Variants in CMYA5 observed in about 807,000 individuals in gnomAD.
The protein encoded by CMYA5 is cardiomyopathy associated 5.
Under a neutral mutation model 318.9 loss-of-function variants are expected in CMYA5, and 246 were observed. The ratio of observed to expected loss-of-function variants is 0.77; its 90% CI spans 0.70 to 0.86. The LOEUF (loss-of-function observed/expected upper bound fraction) is 0.86, where lower values mean the gene tolerates loss of function less well. Among genes scored for constraint, CMYA5 ranks in the 40% least tolerant of loss-of-function variants. The pLI, the probability that CMYA5 is intolerant of heterozygous loss-of-function variation, is 0.00. For synonymous variants in CMYA5, 1,641 were observed against 1,729.5 expected, an observed-to-expected ratio of 0.95 and a Z score of 1.27; for missense variants, 4,589 against 4,678.2, an observed-to-expected ratio of 0.98 and a Z score of 0.56.
rs1311397127 is a variant in CMYA5, at chr5:79,736,566, A to G, written c.7801A>G (p.Met2601Val). ...ATCAGTTACTGAAAAATCAGAAGCC[A>G]TGCTCGCAGAGGCTCACCCAGAAAT... Reference protein sequence around the residue: ...ATSVTEKSEAMLAEAHPEIRE... With the variant: ...ATSVTEKSEAVLAEAHPEIRE... The change falls in exon 2 of 13, where the codon ATG becomes GTG. Residue 2601 changes from methionine to valine, a missense_variant. Met to Val is a conservative substitution (Grantham distance 21). Around this residue, in one of 3 missense-constraint regions of CMYA5, gnomAD observed 2,431 missense variants for 2,495.1 expected, o/e 0.97. Transcript: ENST00000446378. 44 of 1,613,636 alleles carry G rather than the reference A, an allele frequency of 2.7e-5. No individual in the cohort carries two copies. Among genetic ancestry groups the G allele is most frequent in the African/African-American group, 4.0e-5 (3 of 74,918 alleles).
At chr5:79,704,345 A>C (rs1255790031) in intron 1 of CMYA5, among the ~76,000 whole-genome samples, 2 of 152,052 alleles carry the variant, frequency 1.3e-5, no homozygotes, top group Admixed American at 6.6e-5. Context: ...TATCACACTC[A>C]AGTGTGTTTC....
At chr5:79,765,810 G>A (rs1196884967) in intron 9 of CMYA5, among the ~76,000 whole-genome samples, 1 of 152,164 alleles carries the variant, frequency 6.6e-6, no homozygotes, top group Admixed American at 6.5e-5. Flanking sequence ...GGTTGTACAG[G>A]AATGCTTGTG....
chr5:79,789,083 G>A lies in CMYA5; in HGVS notation c.11668G>A (p.Ala3890Thr). ...NAFGTSEQSE[A>T]ALISTRGTRF... The stretch of plus-strand genomic sequence containing the variant: ...ATTTGGGACAAGTGAACAGAGTGAA[G>A]CTGCTCTCATCTCCACCAGAGGTAC... The change falls in exon 10 of 13, where the codon GCT becomes ACT. Residue 3890 changes from alanine to threonine, a missense_variant. Around this residue, in one of 3 missense-constraint regions of CMYA5, gnomAD observed 2,431 missense variants for 2,495.1 expected, o/e 0.97. Coordinates refer to ENST00000446378, the MANE Select transcript of CMYA5 (RefSeq NM_153610.5). The A allele has an allele frequency of 1.9e-6, 3 of 1,613,896 alleles. No individual in the cohort carries two copies. Among genetic ancestry groups the A allele is most frequent in the East Asian group, 2.2e-5 (1 of 44,874 alleles).
At chr5:79,789,231 T>C (rs1829135105) in intron 10 of CMYA5, 127 bp downstream of exon 10, 2 of 1,084,176 alleles carry the variant, frequency 1.8e-6, no homozygotes, top group African/African-American at 1.6e-5. Context: ...GTTTTTGTCA[T>C]GAGGACCCAA....
chr5:79,746,931 A>T (rs920346129), intron 4 of CMYA5, among the ~76,000 whole-genome samples, 160 bp from the exon 5 acceptor site: 4 of 151,966 alleles, frequency 2.6e-5, no homozygotes, highest in African/African-American at 9.7e-5. Context: ...AGACTGAGAC[A>T]AAAACAACCT....
chr5:79,730,835 C>T lies in CMYA5; in HGVS notation c.2070C>T (p.Tyr690=). The T allele has an allele frequency of 1.2e-6, 2 of 1,613,926 alleles. No individual in the cohort carries two copies. Among genetic ancestry groups the T allele is most frequent in the Admixed American group, 1.7e-5 (1 of 60,008 alleles). The part of the protein sequence containing the change: ...SGDEASESGC[Y]TPDSTSASEY... ...ACGAGGCCTCAGAAAGTGGGTGTTA[C>T]ACACCAGACTCCACATCTGCTTCTG... Residue 690 remains tyrosine (Y), a synonymous_variant, in exon 2 of 13, where the codon TAC becomes TAT. Coordinates refer to ENST00000446378, the MANE Select transcript of CMYA5 (RefSeq NM_153610.5).
At chr5:79,769,373 G>A (rs965331547) in intron 9 of CMYA5, among the ~76,000 whole-genome samples, 4 of 151,986 alleles carry the variant, frequency 2.6e-5, no homozygotes, top group Non-Finnish European at 4.4e-5. Flanking sequence ...AAGGAGAAGA[G>A]GTGTTCTGGT....
intron 6 of CMYA5, among the ~76,000 whole-genome samples, chr5:79,758,481 G>A (rs557810466): frequency 1.4e-5 from 2 of 146,916 alleles, no homozygotes; most frequent in Admixed American, 6.7e-5. Flanking sequence ...GCAGTGAGCC[G>A]AGATCGTGCC....
At chr5:79,711,760 A>G (rs1827395203) in intron 1 of CMYA5, among the ~76,000 whole-genome samples, 1 of 152,242 alleles carries the variant, frequency 6.6e-6, no homozygotes, top group South Asian at 2.1e-4. Context: ...GAGCTGATCC[A>G]GCAGAAAATA....
At position 79,737,030 on chromosome 5, in the gene CMYA5, A is replaced by G. The variant is rs1299844498; in HGVS notation, c.8265A>G (p.Pro2755=). Residue 2755 remains proline (P), a synonymous_variant, in exon 2 of 13, where the codon CCA becomes CCG. Coordinates refer to ENST00000446378, the MANE Select transcript of CMYA5 (RefSeq NM_153610.5). The part of the protein sequence containing the change: ...LVLEKSSRDM[P]DHSEEKEQFK... ...TAGAAAAGTCAAGCAGAGATATGCC[A>G]GATCACAGTGAAGAAAAAGAACAGT... The G allele has an allele frequency of 6.2e-7, 1 of 1,613,590 alleles. No individual in the cohort carries two copies. Among genetic ancestry groups the G allele is most frequent in the Admixed American group, 1.7e-5 (1 of 59,930 alleles).
In CMYA5 at chr5:79,737,764, G is replaced by T. The variant is rs909496168; in HGVS notation, c.8999G>T (p.Cys3000Phe). ...PLPDDSETVA[C>F]HKTLKSRLED... ...CCTGATGATAGTGAAACAGTTGCTT[G>T]TCATAAAACATTAAAGAGCAGGTTA... The change falls in exon 2 of 13, where the codon TGT becomes TTT. Residue 3000 changes from cysteine (C) to phenylalanine (F), a missense_variant. By Grantham distance (205) the Cys-to-Phe change is radical. Around this residue, in one of 3 missense-constraint regions of CMYA5, gnomAD observed 2,431 missense variants for 2,495.1 expected, o/e 0.97. Transcript: ENST00000446378. The T allele has an allele frequency of 6.2e-7, 1 of 1,611,202 alleles. No homozygotes were observed. Among genetic ancestry groups the T allele is most frequent in the African/African-American group, 1.3e-5 (1 of 74,680 alleles).
Position 79,690,253 on chromosome 5 carries a change from G to C in CMYA5, c.149+197G>C, listed in dbSNP as rs535272142. Among the ~76,000 whole-genome samples the C allele has an allele frequency of 2.0e-5, 3 of 152,206 alleles. No homozygotes were observed. The East Asian group carries it at 5.8e-4, about 30-fold the overall frequency. ...TGGAGTGACAGGCCCGCCTGCAGCA[G>C]AGTTCATTACCCCCGCCCCCAGCTC... On this transcript the variant is annotated intron_variant, in intron 1 of 12. Transcript: ENST00000446378.
Position 79,732,015 on chromosome 5 carries a change from A to C in CMYA5, c.3250A>C (p.Thr1084Pro). 1.9e-6 allele frequency: 3 copies of C among 1,613,992 alleles called. No homozygotes were observed. Among genetic ancestry groups the C allele is most frequent in the Non-Finnish European group, 2.5e-6 (3 of 1,179,870 alleles). The stretch of plus-strand genomic sequence containing the variant: ...TGAAGACTTAAGTCTGCCGCCTTCA[A>C]CAGATAAATCAGAGAAAGCAGAAAT... ...PLEDLSLPPS[T>P]DKSEKAEIKP... Residue 1084 changes from threonine to proline, a missense_variant, in exon 2 of 13, where the codon ACA becomes CCA. Transcript: ENST00000446378.
chr5:79,754,896 C>G (rs1189492487), intron 6 of CMYA5, among the ~76,000 whole-genome samples: 1 of 152,178 alleles, frequency 6.6e-6, no homozygotes, highest in Non-Finnish European at 1.5e-5. Flanking sequence ...TTTGATTACT[C>G]TAAGTACTTC....
rs764643281 is a variant in CMYA5 at position 79,730,056 on chromosome 5, C to T, written c.1291C>T (p.His431Tyr). Residue 431 changes from histidine to tyrosine, a missense_variant, in exon 2 of 13, where the codon CAC becomes TAC. Physicochemically the swap from His to Tyr is moderately conservative, Grantham distance 83. Transcript: ENST00000446378. ...EVKKEDVYSA[H>Y]HSISLEAASP... ...AAAGAAGGAAGATGTGTATTCTGCT[C>T]ACCATTCCATTTCTCTGGAGGCAGC... 1.9e-6 allele frequency: 3 copies of T among 1,613,926 alleles called. No homozygotes were observed. The highest frequency in any genetic ancestry group is 8.5e-7 in the Non-Finnish European group (1 of 1,179,900).
At chr5:79,746,413 G>A (rs1374318330) in intron 4 of CMYA5, among the ~76,000 whole-genome samples, 1 of 152,036 alleles carries the variant, frequency 6.6e-6, no homozygotes, top group African/African-American at 2.4e-5. Flanking sequence ...TGTAATTAAG[G>A]CAAAGCTTCT....
chr5:79,700,010 A>C (rs1425142820), intron 1 of CMYA5, among the ~76,000 whole-genome samples: 1 of 152,240 alleles, frequency 6.6e-6, no homozygotes, highest in Non-Finnish European at 1.5e-5. Context: ...GAATGCTGGC[A>C]TCTGAAGATC....
chr5:79,746,431 A>G (rs973590968), intron 4 of CMYA5, among the ~76,000 whole-genome samples: 32 of 152,032 alleles, frequency 2.1e-4, no homozygotes, highest in Admixed American at 5.2e-4. Flanking sequence ...TCTTATTCAT[A>G]AATTGGGCAC....
intron 6 of CMYA5, among the ~76,000 whole-genome samples, chr5:79,753,753 C>G (rs548001555): frequency 1.6e-5 from 2 of 123,206 alleles, no homozygotes; most frequent in East Asian, 4.0e-4. Context: ...CGACACCACA[C>G]AACACACAAA....
Sources: allele counts gnomAD v4.1 joint callset (sites outside exome capture counted in the v4.1 genomes callset), GRCh38; gene constraint gnomAD v4.1.1; regional missense constraint gnomAD v4.1.1; transcripts MANE v1.5; gene names NCBI Gene and HGNC (gene_info 2026-07-23, HGNC 2026-07-21).